The following GRIK3 variants were observed in gnomAD, a reference collection of about 807,000 sequenced individuals.
GRIK3 encodes the protein glutamate ionotropic receptor kainate type subunit 3.
A neutral mutation model predicts 102.5 loss-of-function variants in GRIK3; 29 were observed. That is an observed-to-expected ratio of 0.28 (90% CI 0.21 to 0.39). The LOEUF (loss-of-function observed/expected upper bound fraction) is 0.39, where lower values mean the gene tolerates loss of function less well. Among genes scored for constraint, GRIK3 ranks in the 10% least tolerant of loss-of-function variants. The pLI is 1.00. For missense variants in GRIK3, 908 were observed against 1,252.4 expected, an observed-to-expected ratio of 0.73 and a Z score of 4.15; for synonymous variants, 511 against 504.9, an observed-to-expected ratio of 1.01 and a Z score of -0.16.
At chr1:36,810,157 G>A (rs1445911611) in intron 13 of GRIK3, among the ~76,000 whole-genome samples, 1 of 152,128 alleles carries the variant, frequency 6.6e-6, no homozygotes. Context: ...AGCAGGGATA[G>A]ATAAATCCAG....
chr1:36,881,242 G>C (rs1430864910), intron 2 of GRIK3, among the ~76,000 whole-genome samples: 2 of 152,078 alleles, frequency 1.3e-5, no homozygotes, highest in Non-Finnish European at 2.9e-5. Context: ...TTCTGTTCTT[G>C]GGGGACTTGA....
chr1:36,810,478 TC>T (rs566953441), intron 13 of GRIK3, among the ~76,000 whole-genome samples: 220 of 152,350 alleles, frequency 1.4e-3, no homozygotes, highest in Middle Eastern at 3.4e-3. Context: ...CTCACGACTT[TC>T]AATTCCAGCC....
At chr1:36,986,860 A>G (rs961997436) in intron 1 of GRIK3, among the ~76,000 whole-genome samples, 1 of 152,244 alleles carries the variant, frequency 6.6e-6, no homozygotes, top group African/African-American at 2.4e-5. Flanking sequence ...TCCACAATTA[A>G]TAACTTTGGG....
chr1:37,032,527 A>G (rs1448614929), intron 1 of GRIK3, among the ~76,000 whole-genome samples: 1 of 152,152 alleles, frequency 6.6e-6, no homozygotes. Flanking sequence ...GAATGGTGCC[A>G]GGCTGGGCTT....
chr1:36,942,769 C>T lies in GRIK3; in HGVS notation c.116-51673G>A, dbSNP rs535556642. On this transcript the variant is annotated intron_variant, in intron 1 of 15. Coordinates refer to ENST00000373091, the MANE Select transcript of GRIK3 (RefSeq NM_000831.4). ...GGAACTAGGAAGTCAGGGGCCAAAC[C>T]CCGCCCCCATGGTTCCACCTCCCAG... 1.2e-4 allele frequency among the ~76,000 whole-genome samples: 18 copies of T among 152,238 alleles called. No homozygotes were observed. The South Asian group carries it at 3.5e-3, about 30-fold the overall frequency.
intron 1 of GRIK3, among the ~76,000 whole-genome samples, chr1:36,977,723 G>T (rs1471637556): frequency 2.0e-5 from 3 of 151,708 alleles, no homozygotes; most frequent in Non-Finnish European, 4.4e-5. Flanking sequence ...AATCCTGACA[G>T]ATTTGAATGC....
chr1:36,923,255 G>A (rs1390806556), intron 1 of GRIK3, among the ~76,000 whole-genome samples: 1 of 152,204 alleles, frequency 6.6e-6, no homozygotes, highest in Non-Finnish European at 1.5e-5. Context: ...CTGTGTCTTT[G>A]TAATGAAACA....
intron 7 of GRIK3, among the ~76,000 whole-genome samples, chr1:36,857,777 C>A (rs148961543): frequency 1.4e-4 from 22 of 152,342 alleles, no homozygotes; most frequent in Middle Eastern, 6.8e-3. Flanking sequence ...CTCCCTCAAC[C>A]CCCATCCAAG....
chr1:37,018,773 C>T (rs1214796083), intron 1 of GRIK3, among the ~76,000 whole-genome samples: 1 of 151,982 alleles, frequency 6.6e-6, no homozygotes, highest in African/African-American at 2.4e-5. Flanking sequence ...ATGGATCACT[C>T]CAATGTATTA....
At chr1:36,958,203 G>T (rs1641948635) in intron 1 of GRIK3, among the ~76,000 whole-genome samples, 1 of 98,986 alleles carries the variant, frequency 1.0e-5, no homozygotes, top group Non-Finnish European at 1.9e-5. Context: ...TGTGTGCCCT[G>T]TGAGTCTGTG....
chr1:36,834,015 G>T (rs1640343618), intron 10 of GRIK3, among the ~76,000 whole-genome samples: 1 of 152,178 alleles, frequency 6.6e-6, no homozygotes, highest in Non-Finnish European at 1.5e-5. Context: ...GTCAGCCCAG[G>T]CCCCAGTCTG....
At chr1:36,940,528 G>A (rs1641707470) in intron 1 of GRIK3, among the ~76,000 whole-genome samples, 1 of 152,164 alleles carries the variant, frequency 6.6e-6, no homozygotes, top group Admixed American at 6.5e-5. Flanking sequence ...TGGGTCTCTG[G>A]AGCATCTTGA....
chr1:37,018,172 A>G (rs1642673639), intron 1 of GRIK3, among the ~76,000 whole-genome samples: 1 of 152,160 alleles, frequency 6.6e-6, no homozygotes, highest in African/African-American at 2.4e-5. Flanking sequence ...TGCCACATGA[A>G]TAAACCCTTT....
Position 36,872,439 on chromosome 1 carries a change from A to T in GRIK3, c.551-70T>A. On this transcript the variant is annotated intron_variant, in intron 3 of 15. Transcript: ENST00000373091. This position sits in a 1 kb window ranked among gnomAD's most constrained non-coding sequence, Gnocchi z 5.9. ...TCCACAGCTCCAGGCATCCACTTGG[A>T]CTTGTGTGCACACACATGCCCATGG... 1 of 1,242,944 alleles carries T rather than the reference A, an allele frequency of 8.0e-7. No homozygotes were observed. 77.0% of individuals were successfully genotyped at this position (1,242,944 alleles called of 1,614,324 possible).
chr1:36,860,140 C>A (rs377383848), intron 5 of GRIK3, 123 bp from the exon 6 acceptor site: 5 of 690,042 alleles, frequency 7.2e-6, no homozygotes, highest in South Asian at 5.7e-5. Flanking sequence ...CCTGCAAAGC[C>A]CTGCAGAGGG....
intron 1 of GRIK3, among the ~76,000 whole-genome samples, chr1:36,940,684 T>C (rs1411377662): frequency 6.6e-6 from 1 of 152,210 alleles, no homozygotes; most frequent in Non-Finnish European, 1.5e-5. Flanking sequence ...GGTATCCCCT[T>C]ACATGCTTCT....
chr1:36,980,355 C>T (rs1460645395), intron 1 of GRIK3, among the ~76,000 whole-genome samples: 4 of 151,950 alleles, frequency 2.6e-5, no homozygotes, highest in Admixed American at 1.3e-4. Context: ...CTGTGTTCCA[C>T]GTGGGCACCC....
At chr1:36,879,820 G>A (rs970042432) in intron 3 of GRIK3, among the ~76,000 whole-genome samples, 5 of 152,150 alleles carry the variant, frequency 3.3e-5, no homozygotes, top group African/African-American at 9.7e-5. Flanking sequence ...TCATAGCCAC[G>A]GGCCCCAGAG....
At chr1:37,025,739 C>T (rs1642758845) in intron 1 of GRIK3, among the ~76,000 whole-genome samples, 1 of 152,222 alleles carries the variant, frequency 6.6e-6, no homozygotes, top group South Asian at 2.1e-4. Flanking sequence ...AGCCTGTCTG[C>T]ATCAGTCCCT....
Sources: allele counts gnomAD v4.1 joint callset (sites outside exome capture counted in the v4.1 genomes callset), GRCh38; gene constraint gnomAD v4.1.1; non-coding constraint Gnocchi (gnomAD v3.1); transcripts MANE v1.5; gene names NCBI Gene and HGNC (gene_info 2026-07-23, HGNC 2026-07-21).